BCKDHB: variants seen among roughly 807,000 people sequenced by gnomAD.
The protein encoded by BCKDHB is branched chain keto acid dehydrogenase E1 subunit beta.
BCKDHB carries 41 observed loss-of-function variants against 48.5 expected under a neutral mutation model. The observed-to-expected ratio is 0.85, with a 90% confidence interval of 0.66 to 1.10. The LOEUF (loss-of-function observed/expected upper bound fraction) is 1.10. Among genes scored for constraint, BCKDHB ranks in the 50% least tolerant of loss-of-function variants. The pLI, the probability that BCKDHB is intolerant of heterozygous loss-of-function variation, is 0.00. For synonymous variants in BCKDHB, 201 were observed against 174.8 expected (o/e 1.15, Z -1.18); for missense variants, 496 against 494.2 (o/e 1.00, Z -0.03).
chr6:80,132,240 A>T (rs1442491657), intron 3 of BCKDHB, among the ~76,000 whole-genome samples: 1 of 151,966 alleles, frequency 6.6e-6, no homozygotes, highest in African/African-American at 2.4e-5. Flanking sequence ...CCCTCCAAGC[A>T]GACTCAGGCA....
intron 9 of BCKDHB, chr6:80,343,435 G>GAT (rs778346640): frequency 1.8e-6 from 1 of 562,590 alleles, no homozygotes; most frequent in Non-Finnish European, 3.2e-6. Flanking sequence ...TTAGACAATA[G>GAT]ATATATATAC....
intron 9 of BCKDHB, among the ~76,000 whole-genome samples, chr6:80,299,750 G>A (rs977528010): frequency 7.2e-5 from 11 of 152,094 alleles, no homozygotes; most frequent in Admixed American, 5.9e-4. Flanking sequence ...CTGCTACAAC[G>A]AAAACATATA....
intron 9 of BCKDHB, among the ~76,000 whole-genome samples, chr6:80,291,746 T>C (rs6907420): frequency 0.8 from 121,428 of 152,124 alleles, 48,646 homozygotes; most frequent in Admixed American, 0.87. Flanking sequence ...ACCTCAAAAA[T>C]AACTGATGAG....
chr6:80,402,260 A>C, the BCKDHB span, among the ~76,000 whole-genome samples: 1 of 151,772 alleles, frequency 6.6e-6, no homozygotes, highest in African/African-American at 2.4e-5. Context: ...CCCTTTTTCC[A>C]CATCCTCATC....
At chr6:80,205,408 C>A (rs1331594999) in intron 8 of BCKDHB, among the ~76,000 whole-genome samples, 2 of 152,058 alleles carry the variant, frequency 1.3e-5, no homozygotes, top group East Asian at 3.9e-4. Context: ...CAATATATAT[C>A]TTTTGGAACG....
the BCKDHB span, among the ~76,000 whole-genome samples, chr6:80,365,096 G>T: frequency 2.2e-3 from 339 of 152,152 alleles, 1 homozygote; most frequent in African/African-American, 7.9e-3. Context: ...ACTAATAAGG[G>T]TCTAACAAAG....
chr6:80,351,021 T>C (rs2128025156), downstream of BCKDHB, among the ~76,000 whole-genome samples: 1 of 152,340 alleles, frequency 6.6e-6, no homozygotes, highest in Admixed American at 6.5e-5. Flanking sequence ...ACTTTGTACC[T>C]GAGAAACACT....
chr6:80,294,475 C>T (rs1293504547), intron 9 of BCKDHB, among the ~76,000 whole-genome samples: 3 of 152,084 alleles, frequency 2.0e-5, no homozygotes, highest in African/African-American at 7.2e-5. Flanking sequence ...TGGGGTTGGA[C>T]AAAAAGAGCC....
intron 9 of BCKDHB, among the ~76,000 whole-genome samples, chr6:80,342,627 G>A (rs1355541246): frequency 5.6e-5 from 8 of 142,022 alleles, no homozygotes; most frequent in South Asian, 2.3e-4. Context: ...AGAAAAAAAC[G>A]AAAAGAAAAG....
At chr6:80,110,441 A>ATAC (rs1444235149) in intron 1 of BCKDHB, among the ~76,000 whole-genome samples, 2 of 152,172 alleles carry the variant, frequency 1.3e-5, no homozygotes, top group Non-Finnish European at 2.9e-5. Context: ...GGTCATCCAT[A>ATAC]TACTGGAGTA....
the BCKDHB span, among the ~76,000 whole-genome samples, chr6:80,407,243 G>C: frequency 6.6e-6 from 1 of 152,152 alleles, no homozygotes; most frequent in East Asian, 1.9e-4. Context: ...ATACCATGCT[G>C]TTTTGGTTAC....
the BCKDHB span, among the ~76,000 whole-genome samples, chr6:80,425,162 C>A: frequency 2.0e-5 from 3 of 152,152 alleles, no homozygotes; most frequent in Non-Finnish European, 4.4e-5. Flanking sequence ...ACACACAAAA[C>A]ATTCTCCAAA....
At chr6:80,177,072 C>G (rs901619330) in intron 6 of BCKDHB, among the ~76,000 whole-genome samples, 6 of 151,186 alleles carry the variant, frequency 4.0e-5, no homozygotes, top group African/African-American at 1.5e-4. Flanking sequence ...ACAAAAAATG[C>G]AAAATGTAGC....
At chr6:80,432,764 G>A in the BCKDHB span, among the ~76,000 whole-genome samples, 1 of 152,114 alleles carries the variant, frequency 6.6e-6, no homozygotes, top group Non-Finnish European at 1.5e-5. Flanking sequence ...AGGCATTCTG[G>A]TTTTTGGAAT....
the BCKDHB span, among the ~76,000 whole-genome samples, chr6:80,401,301 T>A: frequency 6.6e-6 from 1 of 151,922 alleles, no homozygotes; most frequent in Non-Finnish European, 1.5e-5. Context: ...TATATGCCTC[T>A]CAATGAGTCC....
At chr6:80,329,796 C>A (rs1769229756) in intron 9 of BCKDHB, among the ~76,000 whole-genome samples, 1 of 152,160 alleles carries the variant, frequency 6.6e-6, no homozygotes, top group African/African-American at 2.4e-5. Context: ...AAAGCCCTTT[C>A]CTGAGCATAC....
the BCKDHB span, among the ~76,000 whole-genome samples, chr6:80,413,570 A>G: frequency 6.6e-6 from 1 of 152,144 alleles, no homozygotes; most frequent in Non-Finnish European, 1.5e-5. Context: ...GTGTACCTGC[A>G]TTAGTTTGCT....
chr6:80,206,989 A>G (rs1222903137), intron 8 of BCKDHB, among the ~76,000 whole-genome samples: 1 of 152,056 alleles, frequency 6.6e-6, no homozygotes, highest in African/African-American at 2.4e-5. Flanking sequence ...ATTCAGTGAA[A>G]ATATCTTTTA....
chr6:80,271,420 C>T (rs1777736499), intron 8 of BCKDHB, among the ~76,000 whole-genome samples: 1 of 152,108 alleles, frequency 6.6e-6, no homozygotes, highest in Non-Finnish European at 1.5e-5. Flanking sequence ...TGTCCTTGGT[C>T]ATCTGTGCTT....
Sources: gnomAD v4.1 joint callset for allele counts (sites outside exome capture counted in the v4.1 genomes callset) on GRCh38, gnomAD v4.1.1 for gene constraint, MANE v1.5 for transcripts, NCBI Gene and HGNC (gene_info 2026-07-23, HGNC 2026-07-21) for gene names.